RGS6: variants seen among roughly 807,000 people sequenced by gnomAD.
RGS6 encodes the protein regulator of G-protein signaling 6.
In RGS6, 30 loss-of-function variants were observed where a neutral mutation model predicts 78.5. The observed-to-expected ratio is 0.38, with a 90% CI of 0.29 to 0.52. The LOEUF is 0.52. Ranked by LOEUF, RGS6 falls within the 20% of genes least tolerant of loss-of-function variation. RGS6 has a pLI of 0.85. For missense variants in RGS6, 495 were observed against 609.7 expected (o/e 0.81, Z 1.98); for synonymous variants, 206 against 206.0 (o/e 1.00, Z 0.00).
intron 2 of RGS6, among the ~76,000 whole-genome samples, chr14:72,205,597 A>G (rs750595212): frequency 1.3e-5 from 2 of 152,212 alleles, no homozygotes; most frequent in Non-Finnish European, 2.9e-5. Context: ...AATAGTACCA[A>G]TCCAGATCCT....
chr14:72,461,256 G>A (rs956168925), intron 6 of RGS6, among the ~76,000 whole-genome samples: 12 of 152,190 alleles, frequency 7.9e-5, no homozygotes, highest in Admixed American at 3.9e-4. Flanking sequence ...TTTCCAGGCA[G>A]TGGAGAGGGT....
At chr14:71,890,278 C>G in the RGS6 span, among the ~76,000 whole-genome samples, 9,457 of 151,710 alleles carry the variant, frequency 0.062, 402 homozygotes, top group Admixed American at 0.11. Context: ...GAGAGGTCCA[C>G]CTGAAGAATG....
chr14:72,533,145 C>T (rs190006859), intron 15 of RGS6, among the ~76,000 whole-genome samples: 3 of 152,282 alleles, frequency 2.0e-5, no homozygotes, highest in Non-Finnish European at 2.9e-5. Flanking sequence ...GACTATAAGT[C>T]GATGCCAATG....
chr14:72,121,304 A>G (rs1239642037), intron 2 of RGS6, among the ~76,000 whole-genome samples: 1 of 152,196 alleles, frequency 6.6e-6, no homozygotes, highest in Non-Finnish European at 1.5e-5. Context: ...TGTATTGCCA[A>G]CCTGCTGATA....
At chr14:72,529,288 C>T (rs377308415) in intron 15 of RGS6, among the ~76,000 whole-genome samples, 8 of 152,256 alleles carry the variant, frequency 5.3e-5, no homozygotes, top group African/African-American at 1.9e-4. Flanking sequence ...TTCTCAGACC[C>T]GCACCTTGGA....
intron 3 of RGS6, among the ~76,000 whole-genome samples, chr14:72,381,647 C>T (rs1318736757): frequency 6.6e-6 from 1 of 152,062 alleles, no homozygotes; most frequent in African/African-American, 2.4e-5. Flanking sequence ...AGGAATGTAT[C>T]ACTACCCTAT....
chr14:72,532,481 A>AG (rs1403483601), intron 15 of RGS6, among the ~76,000 whole-genome samples: 2 of 152,238 alleles, frequency 1.3e-5, no homozygotes, highest in African/African-American at 4.8e-5. Context: ...TTCAGGCAAA[A>AG]GGAACAGTCG....
At chr14:72,597,288 TAGCATCGAATGC>T in the RGS6 span, among the ~76,000 whole-genome samples, 1 of 151,990 alleles carries the variant, frequency 6.6e-6, no homozygotes, top group Non-Finnish European at 1.5e-5. Context: ...GTGATAATAA[TAGCATCGAATGC>T]ATTTGTTTTT....
intron 3 of RGS6, among the ~76,000 whole-genome samples, chr14:72,391,938 T>C (rs1399394579): frequency 1.3e-5 from 2 of 152,242 alleles, no homozygotes; most frequent in Non-Finnish European, 2.9e-5. Context: ...TCATCCTTTT[T>C]TATGGCTGCA....
At chr14:72,405,980 G>A (rs1056155601) in intron 3 of RGS6, among the ~76,000 whole-genome samples, 5 of 152,218 alleles carry the variant, frequency 3.3e-5, no homozygotes, top group Non-Finnish European at 4.4e-5. Context: ...TGCTGGGGCT[G>A]TCTGCGTCCA....
intron 2 of RGS6, among the ~76,000 whole-genome samples, chr14:72,272,754 A>C (rs963384593): frequency 6.6e-6 from 1 of 152,228 alleles, no homozygotes; most frequent in Non-Finnish European, 1.5e-5. Flanking sequence ...TGAATGAATT[A>C]GGTAAATGAA....
At chr14:72,629,826 G>A in the RGS6 span, 14 of 1,076,504 alleles carry the variant, frequency 1.3e-5, no homozygotes, top group African/African-American at 1.2e-4. Context: ...GATGCCCAGT[G>A]TGCAGGCAGG....
At chr14:71,924,523 C>T in the RGS6 span, among the ~76,000 whole-genome samples, 41 of 152,272 alleles carry the variant, frequency 2.7e-4, no homozygotes, top group African/African-American at 9.4e-4. Flanking sequence ...GCTATTTTGT[C>T]CCCTTTGACC....
chr14:72,478,668 A>G (rs983381344), intron 12 of RGS6, among the ~76,000 whole-genome samples: 4 of 152,242 alleles, frequency 2.6e-5, no homozygotes, highest in Non-Finnish European at 4.4e-5. Flanking sequence ...CAGCTATAAA[A>G]TGCCCAGATT....
At chr14:72,109,793 T>TGTGTCAG (rs1377446320) in intron 2 of RGS6, among the ~76,000 whole-genome samples, 2 of 152,234 alleles carry the variant, frequency 1.3e-5, no homozygotes, top group Non-Finnish European at 2.9e-5. Flanking sequence ...CTGTCTGGCC[T>TGTGTCAG]ACCTTGAAAT....
chr14:72,196,038 G>A (rs1425372841), intron 2 of RGS6, among the ~76,000 whole-genome samples: 1 of 152,150 alleles, frequency 6.6e-6, no homozygotes, highest in Non-Finnish European at 1.5e-5. Context: ...TTGGAGGAAG[G>A]AGAGGTGATA....
chr14:71,976,739 T>C (rs866607331), intron 2 of RGS6, among the ~76,000 whole-genome samples: 23 of 152,198 alleles, frequency 1.5e-4, no homozygotes, highest in Middle Eastern at 6.8e-3. Context: ...CATGTGTCTT[T>C]ATAGCAGCAT....
intron 2 of RGS6, among the ~76,000 whole-genome samples, chr14:72,286,041 C>CGGGATTGTCATATGTGACCTTTTTTAT (rs2062484812): frequency 6.6e-6 from 1 of 152,064 alleles, no homozygotes; most frequent in Non-Finnish European, 1.5e-5. Flanking sequence ...CCTATTTTTG[C>CGGGATTGTCATATGTGACCTTTTTTAT]TTTTGTTGCC....
chr14:72,132,938 G>T (rs1465223423), intron 2 of RGS6, among the ~76,000 whole-genome samples: 1 of 152,052 alleles, frequency 6.6e-6, no homozygotes, highest in Non-Finnish European at 1.5e-5. Flanking sequence ...CAGACTAAAG[G>T]AAATGTGTTC....
Sources: gnomAD v4.1 joint callset for allele counts (sites outside exome capture counted in the v4.1 genomes callset) on GRCh38, gnomAD v4.1.1 for gene constraint, MANE v1.5 for transcripts, NCBI Gene and HGNC (gene_info 2026-07-23, HGNC 2026-07-21) for gene names.